The following DCBLD1 variants were observed in gnomAD, a reference collection of about 807,000 sequenced individuals.
DCBLD1 encodes discoidin, CUB and LCCL domain containing 1.
A neutral mutation model predicts 71.5 loss-of-function variants in DCBLD1; 57 were observed. That is an observed-to-expected ratio of 0.80 (90% CI 0.64 to 0.99). DCBLD1 has a LOEUF of 0.99. DCBLD1 is among the 50% of genes least tolerant of loss of function. The pLI, the probability that DCBLD1 is intolerant of heterozygous loss-of-function variation, is 0.00. For synonymous variants in DCBLD1, 380 were observed against 363.8 expected, an observed-to-expected ratio of 1.04 and a Z score of -0.51; for missense variants, 891 against 923.5, an observed-to-expected ratio of 0.96 and a Z score of 0.46.
At chr6:117,542,137 CA>C (rs1308415884) in intron 11 of DCBLD1, among the ~76,000 whole-genome samples, 1 of 151,724 alleles carries the variant, frequency 6.6e-6, no homozygotes, top group Non-Finnish European at 1.5e-5. Context: ...TAATAAAATA[CA>C]AAAAATTAGC....
At chr6:117,536,956 T>G in intron 6 of DCBLD1, among the ~76,000 whole-genome samples, 1 of 152,222 alleles carries the variant, frequency 6.6e-6, no homozygotes, top group East Asian at 1.9e-4. Flanking sequence ...TCCTAGCCCC[T>G]TGTCACTTAT....
At chr6:117,527,273 C>T (rs1778575567) in intron 5 of DCBLD1, among the ~76,000 whole-genome samples, 1 of 152,170 alleles carries the variant, frequency 6.6e-6, no homozygotes, top group Non-Finnish European at 1.5e-5. Flanking sequence ...CACCCACACT[C>T]AGGGGGATTC....
At position 117,548,612 on chromosome 6, in the gene DCBLD1, A is replaced by G; in HGVS notation, c.*173A>G. 3.5e-6 allele frequency: 5 copies of G among 1,434,664 alleles called. No homozygotes were observed. Among genetic ancestry groups the G allele is most frequent in the Non-Finnish European group, 4.6e-6 (5 of 1,098,788 alleles). The allele number at this position is 1,434,664 out of a possible 1,614,324, so 88.9% of individuals were successfully genotyped here. On this transcript the variant is annotated 3_prime_UTR_variant, in exon 15 of 15. Transcript: ENST00000338728. ...GACAACCTGTCATACTGTTTACAAA[A>G]TTGTGCAGCTGGTTTCGTGCTGACC...
At chr6:117,523,115 C>T (rs972877552) in intron 4 of DCBLD1, among the ~76,000 whole-genome samples, 4 of 152,212 alleles carry the variant, frequency 2.6e-5, no homozygotes, top group African/African-American at 9.6e-5. Flanking sequence ...TATACCTCTA[C>T]AGTCCCAGTT....
chr6:117,482,983 A>G (rs62433107), intron 1 of DCBLD1, 90 bp downstream of exon 1: 36,804 of 593,552 alleles, frequency 0.062, 758 homozygotes, highest in Non-Finnish European at 0.066. Context: ...GCCGAGGGCT[A>G]CGGGGCGGGC....
chr6:117,510,939 A>G (rs565648943), intron 2 of DCBLD1, among the ~76,000 whole-genome samples: 3 of 152,310 alleles, frequency 2.0e-5, no homozygotes, highest in East Asian at 3.9e-4. Context: ...TTTAACCCTT[A>G]TAACAGCCCT....
At chr6:117,552,118 TTTG>T (rs201304598), downstream of DCBLD1, among the ~76,000 whole-genome samples, 245 of 152,206 alleles carry the variant, frequency 1.6e-3, 2 homozygotes, top group Non-Finnish European at 2.4e-3. Flanking sequence ...AGACCATGTT[TTTG>T]TTGTTGTTGT....
intron 2 of DCBLD1, among the ~76,000 whole-genome samples, chr6:117,509,517 C>T (rs184502638): frequency 1.3e-5 from 2 of 152,318 alleles, no homozygotes; most frequent in Admixed American, 1.3e-4. Context: ...TAAAGGATGA[C>T]ACCTGGTACA....
chr6:117,504,963 C>A (rs979883687), intron 2 of DCBLD1, among the ~76,000 whole-genome samples: 3 of 152,164 alleles, frequency 2.0e-5, no homozygotes, highest in African/African-American at 7.2e-5. Flanking sequence ...CCTTTGCACC[C>A]AGAGTTGCTT....
chr6:117,504,871 A>G (rs148055483), intron 2 of DCBLD1, among the ~76,000 whole-genome samples: 265 of 152,304 alleles, frequency 1.7e-3, no homozygotes, highest in African/African-American at 5.9e-3. Flanking sequence ...TTAAAATGAT[A>G]TAGGTTTTAG....
intron 3 of DCBLD1, among the ~76,000 whole-genome samples, chr6:117,520,320 C>T (rs1426383861): frequency 1.3e-5 from 2 of 152,196 alleles, no homozygotes; most frequent in Non-Finnish European, 2.9e-5. Flanking sequence ...GCATGTGGCC[C>T]AAGGGGCATG....
In DCBLD1 at chr6:117,485,544, GT is replaced by G. The variant is rs1414392201; in HGVS notation, c.112+2652del. 3.3e-5 allele frequency among the ~76,000 whole-genome samples: 5 copies of G among 152,300 alleles called. No homozygotes were observed. In the South Asian group the frequency reaches 8.3e-4, roughly 25 times the overall value. ...ATTCTGTCACCTTCTGTACCAGTGTGTGCACTCACCCTTCTGTTGTCTCATC... is the reference window on the plus strand; with the variant it reads ...ATTCTGTCACCTTCTGTACCAGTGTGGCACTCACCCTTCTGTTGTCTCATC... On this transcript the variant is annotated intron_variant, in intron 1 of 14. Transcript: ENST00000338728.
At chr6:117,565,244 G>A (rs963553774) in intron 14 of DCBLD1, among the ~76,000 whole-genome samples, 6 of 152,270 alleles carry the variant, frequency 3.9e-5, no homozygotes, top group Admixed American at 2.0e-4. Flanking sequence ...GTAGATGATA[G>A]CTGTATTTTC....
intron 3 of DCBLD1, 28 bp downstream of exon 3, chr6:117,519,978 C>G: frequency 6.2e-7 from 1 of 1,608,812 alleles, no homozygotes; most frequent in Non-Finnish European, 8.5e-7. Flanking sequence ...ACACAAATCT[C>G]TAAATGTTAT....
At chr6:117,509,665 A>G (rs1290876702) in intron 2 of DCBLD1, among the ~76,000 whole-genome samples, 1 of 151,444 alleles carries the variant, frequency 6.6e-6, no homozygotes, top group Non-Finnish European at 1.5e-5. Context: ...CCTACTGTTA[A>G]TATTGTTTGT....
In DCBLD1 at chr6:117,549,332, C is replaced by G. The variant is rs971478973; in HGVS notation, c.*893C>G. 1.4e-5 allele frequency: 14 copies of G among 985,410 alleles called. No individual in the cohort carries two copies. In the African/African-American group the frequency reaches 2.1e-4, roughly 15 times the overall value. 61.0% of individuals were successfully genotyped at this position (985,410 alleles called of 1,614,324 possible). A position where few individuals can be genotyped will look rare whatever the true frequency, so the allele number is the denominator to read the frequency against. ...CTCTGAAAAACAAAGTTATTTGGAA[C>G]ATGTTCATGCAAAAGTGATTCTGAC... On this transcript the variant is annotated 3_prime_UTR_variant, in exon 15 of 15. Transcript: ENST00000338728.
chr6:117,500,987 C>CTG (rs10683954), intron 1 of DCBLD1, among the ~76,000 whole-genome samples: 91,240 of 151,502 alleles, frequency 0.6, 29,447 homozygotes, highest in African/African-American at 0.86. Flanking sequence ...TCATATTTAA[C>CTG]TGTTTTCTGA....
intron 1 of DCBLD1, among the ~76,000 whole-genome samples, chr6:117,500,281 G>A (rs965128136): frequency 3.9e-5 from 6 of 152,230 alleles, no homozygotes; most frequent in African/African-American, 1.4e-4. Flanking sequence ...CCATAGGTTA[G>A]AGTGATACTA....
chr6:117,509,691 G>A (rs946554590), intron 2 of DCBLD1, among the ~76,000 whole-genome samples: 2 of 151,848 alleles, frequency 1.3e-5, no homozygotes, highest in Admixed American at 6.6e-5. Context: ...ATGTGCCCTT[G>A]TTCCCCTCGT....
Sources: allele counts gnomAD v4.1 joint callset (sites outside exome capture counted in the v4.1 genomes callset), GRCh38; gene constraint gnomAD v4.1.1; transcripts MANE v1.5; gene names NCBI Gene and HGNC (gene_info 2026-07-23, HGNC 2026-07-21).